Variants in HBS1L observed in about 807,000 individuals in gnomAD.
HBS1L encodes the protein HBS1-like protein.
Under a neutral mutation model 88.9 loss-of-function variants are expected in HBS1L, and 55 were observed. The observed-to-expected ratio is 0.62, with a 90% CI of 0.50 to 0.77. The LOEUF is 0.77. Among genes scored for constraint, HBS1L ranks in the 30% least tolerant of loss-of-function variants. The probability of loss-of-function intolerance (pLI) is 0.00; values close to 1 mark genes in which losing one functional copy is unlikely to be tolerated. For missense variants in HBS1L, 741 were observed against 829.3 expected (o/e 0.89, Z 1.31); for synonymous variants, 267 against 288.5 (o/e 0.93, Z 0.76).
At chr6:134,978,421 A>AT (rs1227459597) in intron 15 of HBS1L, among the ~76,000 whole-genome samples, 1 of 151,982 alleles carries the variant, frequency 6.6e-6, no homozygotes. Context: ...CCCTGGATAA[A>AT]TTTTATTATC....
chr6:134,985,538 A>G, intron 11 of HBS1L, 129 bp from the exon 12 acceptor site: 1 of 583,366 alleles, frequency 1.7e-6, no homozygotes, highest in Non-Finnish European at 3.0e-6. Flanking sequence ...ATAGCAACTT[A>G]ACTGTCACTA....
At chr6:135,026,851 T>A (rs1482362150) in intron 4 of HBS1L, 1 of 149,900 alleles carries the variant, frequency 6.7e-6, no homozygotes, top group Admixed American at 6.7e-5. Context: ...TATATTAACT[T>A]ACCACACTCA....
At chr6:134,974,684 G>A (rs184649640) in intron 15 of HBS1L, among the ~76,000 whole-genome samples, 76 of 150,110 alleles carry the variant, frequency 5.1e-4, no homozygotes, top group Non-Finnish European at 9.6e-4. Context: ...CAATAGATGC[G>A]GAAAAAGCAC....
intron 13 of HBS1L, among the ~76,000 whole-genome samples, chr6:134,980,267 T>C (rs1234396981): frequency 1.3e-5 from 2 of 151,962 alleles, no homozygotes; most frequent in Admixed American, 6.6e-5. Flanking sequence ...CTCAAGGATT[T>C]AACTTTAAGA....
chr6:135,054,747 T>C lies in HBS1L; in HGVS notation c.-56A>G, dbSNP rs1194128583. 9 of 1,602,586 alleles carry C rather than the reference T, an allele frequency of 5.6e-6. No homozygotes were observed. The highest frequency in any genetic ancestry group is 1.1e-5 in the South Asian group (1 of 90,338). ...TTAACTCCTTCCAAAACACTCCGCTTAGATACTGATAAGGCGCCAACTGCA... is the reference window on the plus strand; with the variant it reads ...TTAACTCCTTCCAAAACACTCCGCTCAGATACTGATAAGGCGCCAACTGCA... On this transcript the variant is annotated 5_prime_UTR_variant, in exon 1 of 18. It removes the in-frame stop codon of an upstream open reading frame in the 5' UTR. Transcript: ENST00000367837.
intron 4 of HBS1L, among the ~76,000 whole-genome samples, chr6:135,011,437 T>C (rs147331196): frequency 1.3e-5 from 2 of 152,284 alleles, no homozygotes; most frequent in Admixed American, 6.5e-5. Flanking sequence ...GGAGGATCAA[T>C]TGAGCCCTGG....
At chr6:135,008,528 G>A (rs188213675) in intron 4 of HBS1L, among the ~76,000 whole-genome samples, 30 of 152,320 alleles carry the variant, frequency 2.0e-4, no homozygotes, top group Non-Finnish European at 3.4e-4. Context: ...TTGAGAAGCT[G>A]CTTTCCCCAG....
chr6:134,969,456 C>G, intron 15 of HBS1L, 118 bp from the exon 16 acceptor site: 1 of 670,978 alleles, frequency 1.5e-6, no homozygotes, highest in South Asian at 1.8e-5. Context: ...CTTTCAGGAT[C>G]TCCAGTTGCT....
At chr6:135,013,520 C>A (rs1406623350) in intron 4 of HBS1L, among the ~76,000 whole-genome samples, 1 of 152,146 alleles carries the variant, frequency 6.6e-6, no homozygotes, top group South Asian at 2.1e-4. Context: ...GATCTTGAAA[C>A]ATAAGAGCCA....
chr6:135,011,585 T>C lies in HBS1L; in HGVS notation c.431-8743A>G, dbSNP rs149827329. ...GCATAAAATATGTGAGGAAAATATA[T>C]GCAAGGGGTTAGTTAATATATACAA... On this transcript the variant is annotated intron_variant, in intron 4 of 17. Transcript: ENST00000367837. Among the ~76,000 whole-genome samples the C allele has an allele frequency of 1.4e-3, 209 of 152,090 alleles. 1 individual carries two copies. Among genetic ancestry groups the C allele is most frequent in the African/African-American group, 4.9e-3 (204 of 41,500 alleles).
At chr6:134,987,253 C>A (rs1226852534) in intron 9 of HBS1L, among the ~76,000 whole-genome samples, 1 of 151,360 alleles carries the variant, frequency 6.6e-6, no homozygotes, top group Non-Finnish European at 1.5e-5. Flanking sequence ...AAACAGATAA[C>A]CCAATTTTGT....
chr6:135,054,331 G>A (rs1777179960), intron 1 of HBS1L, among the ~76,000 whole-genome samples: 2 of 152,236 alleles, frequency 1.3e-5, no homozygotes, highest in Non-Finnish European at 2.9e-5. Context: ...CCCAACATGG[G>A]AGGAAACAAT....
chr6:135,038,148 G>A (rs1260709468), intron 4 of HBS1L: 2 of 715,290 alleles, frequency 2.8e-6, no homozygotes, highest in Non-Finnish European at 4.4e-6. Flanking sequence ...TTTTGATTAT[G>A]ACATGAATAA....
chr6:134,989,764 T>C (rs1775080088), intron 8 of HBS1L, among the ~76,000 whole-genome samples: 1 of 152,186 alleles, frequency 6.6e-6, no homozygotes, highest in Admixed American at 6.6e-5. Context: ...TTCCAATCCC[T>C]CATATTTTAT....
intron 4 of HBS1L, among the ~76,000 whole-genome samples, chr6:135,016,232 T>C (rs1271292880): frequency 6.6e-6 from 1 of 152,170 alleles, no homozygotes; most frequent in Non-Finnish European, 1.5e-5. Flanking sequence ...TTTGTGAGTT[T>C]AAGTGAGGTT....
chr6:134,971,693 C>T (rs1325357623), intron 15 of HBS1L, among the ~76,000 whole-genome samples: 4 of 152,004 alleles, frequency 2.6e-5, no homozygotes, highest in African/African-American at 9.7e-5. Flanking sequence ...TAACCAAAGT[C>T]ATCTATAATT....
At chr6:134,988,486 A>G (rs1439994102) in intron 8 of HBS1L, among the ~76,000 whole-genome samples, 3 of 152,000 alleles carry the variant, frequency 2.0e-5, no homozygotes, top group Admixed American at 2.0e-4. Flanking sequence ...AAGCAAGAAG[A>G]CATAGCTTTA....
At position 135,028,116 on chromosome 6, in the gene HBS1L, T is replaced by C. The variant is rs114093220; in HGVS notation, c.430+11457A>G. On this transcript the variant is annotated intron_variant, in intron 4 of 17. Coordinates refer to ENST00000367837, the MANE Select transcript of HBS1L (RefSeq NM_006620.4). ...AATGCATGTATGTTAAATATTCTACTCAGAAGGGTAGGAAATGAAAAGCAA... is the reference window on the plus strand; with the variant it reads ...AATGCATGTATGTTAAATATTCTACCCAGAAGGGTAGGAAATGAAAAGCAA... Among the ~76,000 whole-genome samples the C allele has an allele frequency of 3.6e-3, 543 of 151,978 alleles. 5 individuals are homozygous for C. The highest frequency in any genetic ancestry group is 0.012 in the African/African-American group (497 of 41,406).
chr6:135,054,802 C>T lies in HBS1L; in HGVS notation c.-111G>A. 3.0e-6 allele frequency: 4 copies of T among 1,345,668 alleles called. No individual in the cohort carries two copies. Among genetic ancestry groups the T allele is most frequent in the Non-Finnish European group, 4.2e-6 (4 of 962,246 alleles). 83.4% of individuals were successfully genotyped at this position (1,345,668 alleles called of 1,614,324 possible). A position where few individuals can be genotyped will look rare whatever the true frequency, so the allele number is the denominator to read the frequency against. On this transcript the variant is annotated 5_prime_UTR_variant, in exon 1 of 18. Transcript: ENST00000367837. ...GGAGAACCCCTATGCGCCATCTTGG[C>T]TTCCCGCAGGCCTCTGCGCCGAGCG...
Sources: gnomAD v4.1 joint callset for allele counts (sites outside exome capture counted in the v4.1 genomes callset) on GRCh38, gnomAD v4.1.1 for gene constraint, MANE v1.5 for transcripts, NCBI Gene and HGNC (gene_info 2026-07-23, HGNC 2026-07-21) for gene names.